The following RTTN variants were observed in gnomAD, a reference collection of about 807,000 sequenced individuals.
The protein encoded by RTTN is rotatin.
A neutral mutation model predicts 269.2 loss-of-function variants in RTTN; 182 were observed. That is an observed-to-expected ratio of 0.68 (90% CI 0.60 to 0.76). The LOEUF (loss-of-function observed/expected upper bound fraction) is 0.76. Ranked by LOEUF, RTTN falls within the 30% of genes least tolerant of loss-of-function variation. RTTN has a pLI of 0.00. For missense variants in RTTN, 2,545 were observed against 2,608.6 expected (o/e 0.98, Z 0.53); for synonymous variants, 1,006 against 963.5 (o/e 1.04, Z -0.82).
chr18:70,129,760 C>G (rs920241971), intron 23 of RTTN: 3 of 151,736 alleles, frequency 2.0e-5, no homozygotes, highest in Non-Finnish European at 4.4e-5. Context: ...GCAAGCAAAG[C>G]AAAAATAAGT....
At chr18:70,186,391 T>C (rs935927563) in intron 10 of RTTN, among the ~76,000 whole-genome samples, 1 of 152,228 alleles carries the variant, frequency 6.6e-6, no homozygotes, top group Non-Finnish European at 1.5e-5. Flanking sequence ...TAAGTCAGTT[T>C]GCTTAAAGTC....
At chr18:70,149,163 C>T (rs2060472951) in intron 16 of RTTN, 126 bp from the exon 17 acceptor site, 2 of 788,490 alleles carry the variant, frequency 2.5e-6, no homozygotes, top group African/African-American at 3.6e-5. Context: ...TGAATAAAAT[C>T]ATTATTTTTT....
chr18:70,018,456 C>A (rs2056606197), intron 45 of RTTN, among the ~76,000 whole-genome samples: 1 of 152,206 alleles, frequency 6.6e-6, no homozygotes, highest in Non-Finnish European at 1.5e-5. Flanking sequence ...GAAATGCAAT[C>A]ACTTAACTTT....
At chr18:70,110,813 T>C (rs990421071) in intron 27 of RTTN, among the ~76,000 whole-genome samples, 1 of 152,208 alleles carries the variant, frequency 6.6e-6, no homozygotes, top group African/African-American at 2.4e-5. Context: ...TTCACTGGCT[T>C]GAAATTCTCG....
At chr18:70,094,069 T>C (rs1261459240) in intron 28 of RTTN, among the ~76,000 whole-genome samples, 2 of 135,894 alleles carry the variant, frequency 1.5e-5, no homozygotes, top group Admixed American at 1.6e-4. Flanking sequence ...CTAGATTTTC[T>C]AGTTTATTTG....
rs923939231 is a variant in RTTN, at chr18:70,152,757, A to G, written c.1930-2024T>C. Among the ~76,000 whole-genome samples, 6 of 152,026 alleles carry G rather than the reference A, an allele frequency of 3.9e-5. No homozygotes were observed. In the East Asian group the frequency reaches 9.6e-4, roughly 24 times the overall value. On this transcript the variant is annotated intron_variant, in intron 14 of 48. Transcript: ENST00000640769. ...CTCCTAAATTCATTTCCTTCTCTTC[A>G]TCTCCACTACACCACCACATCTCAT...
intron 36 of RTTN, among the ~76,000 whole-genome samples, chr18:70,058,597 C>T (rs528987198): frequency 3.3e-5 from 5 of 151,986 alleles, no homozygotes; most frequent in African/African-American, 7.2e-5. Context: ...AAAACAGGTA[C>T]GGAAATATGA....
rs2056103002 is a variant in RTTN at position 70,003,993 on chromosome 18, T to TG, written c.*157dup. On this transcript the variant is annotated 3_prime_UTR_variant, in exon 49 of 49. Transcript: ENST00000640769. ...GAGAGCTGCCACAACTGGACGGTGTTGGAGTATCACCAGTTCTCTCTCTCA... is the reference window on the plus strand; with the variant it reads ...GAGAGCTGCCACAACTGGACGGTGTTGGGAGTATCACCAGTTCTCTCTCTCA... 1.8e-6 allele frequency: 1 copy of TG among 549,534 alleles called. No homozygotes were observed. Among genetic ancestry groups the TG allele is most frequent in the African/African-American group, 1.9e-5 (1 of 52,982 alleles). 34.0% of individuals were successfully genotyped at this position (549,534 alleles called of 1,614,324 possible).
chr18:70,088,199 A>G (rs775125473), intron 30 of RTTN, 52 bp from the exon 31 acceptor site: 1 of 1,502,280 alleles, frequency 6.7e-7, no homozygotes. Context: ...TTTTCCTAAC[A>G]TGAATTCTTA....
intron 40 of RTTN, among the ~76,000 whole-genome samples, chr18:70,037,362 G>A (rs1435915449): frequency 6.6e-6 from 1 of 152,194 alleles, no homozygotes; most frequent in Non-Finnish European, 1.5e-5. Context: ...CAACAAAAGT[G>A]ACTCCTTCCT....
intron 18 of RTTN, among the ~76,000 whole-genome samples, chr18:70,142,738 C>T (rs938057592): frequency 2.0e-5 from 3 of 152,198 alleles, no homozygotes; most frequent in African/African-American, 7.2e-5. Flanking sequence ...AATCCCAGCA[C>T]TCTGGGAAGC....
intron 5 of RTTN, among the ~76,000 whole-genome samples, chr18:70,198,039 T>C (rs1369204811): frequency 1.3e-5 from 2 of 152,144 alleles, no homozygotes; most frequent in African/African-American, 2.4e-5. Context: ...TTATCACAAG[T>C]CTGCAAAACG....
chr18:70,090,875 C>G (rs1021872940), intron 30 of RTTN, among the ~76,000 whole-genome samples: 6 of 152,210 alleles, frequency 3.9e-5, no homozygotes, highest in Non-Finnish European at 2.9e-5. Flanking sequence ...GCCTGTAAGG[C>G]ACACCATCAA....
chr18:70,145,566 A>G, intron 18 of RTTN, 46 bp downstream of exon 18: 1 of 1,373,180 alleles, frequency 7.3e-7, no homozygotes, highest in Non-Finnish European at 1.0e-6. Context: ...TGATATAAAA[A>G]TGTATCAAAT....
At chr18:70,112,077 A>G (rs1304456750) in intron 27 of RTTN, among the ~76,000 whole-genome samples, 1 of 152,222 alleles carries the variant, frequency 6.6e-6, no homozygotes, top group Admixed American at 6.5e-5. Flanking sequence ...CAAAGGAGAA[A>G]TAAAATCTTT....
At chr18:70,051,965 A>G (rs2057684047) in intron 38 of RTTN, among the ~76,000 whole-genome samples, 1 of 152,208 alleles carries the variant, frequency 6.6e-6, no homozygotes, top group Non-Finnish European at 1.5e-5. Context: ...GCAGGGGTGA[A>G]AGGAAAGCAC....
At chr18:70,138,265 G>A (rs1383260100) in intron 21 of RTTN, 1 of 152,090 alleles carries the variant, frequency 6.6e-6, no homozygotes, top group Admixed American at 6.6e-5. Context: ...GGTGATAAGA[G>A]TGAAATTCTT....
intron 43 of RTTN, 76 bp downstream of exon 43, chr18:70,028,648 T>C (rs1195426623): frequency 1.6e-5 from 13 of 794,940 alleles, no homozygotes; most frequent in Non-Finnish European, 2.6e-5. Flanking sequence ...TTTTTCCTAC[T>C]ACATTATCTC....
In RTTN at chr18:70,036,205, A is replaced by G. The variant is rs184122464; in HGVS notation, c.5542-5224T>C. Among the ~76,000 whole-genome samples, 11 of 152,346 alleles carry G rather than the reference A, an allele frequency of 7.2e-5. No homozygotes were observed. The East Asian group carries it at 1.5e-3, about 21-fold the overall frequency. Reference sequence around the variant, plus strand: ...AATCTCATTACAGGGTATACACCCAAAGGAATATAAATCATTCTATCATAA... The same window carrying G: ...AATCTCATTACAGGGTATACACCCAGAGGAATATAAATCATTCTATCATAA... On this transcript the variant is annotated intron_variant, in intron 40 of 48. Coordinates refer to ENST00000640769, the MANE Select transcript of RTTN (RefSeq NM_173630.4).
Sources: gnomAD v4.1 joint callset for allele counts (sites outside exome capture counted in the v4.1 genomes callset) on GRCh38, gnomAD v4.1.1 for gene constraint, MANE v1.5 for transcripts, NCBI Gene and HGNC (gene_info 2026-07-23, HGNC 2026-07-21) for gene names.